BRWD1: variants seen among roughly 807,000 people sequenced by gnomAD.
The protein encoded by BRWD1 is bromodomain and WD repeat-containing protein 1.
BRWD1 carries 82 observed loss-of-function variants against 251.2 expected under a neutral mutation model. The ratio of observed to expected loss-of-function variants is 0.33; its 90% CI spans 0.27 to 0.39. The LOEUF is 0.39. BRWD1 is among the 10% of genes least tolerant of loss of function. BRWD1 has a pLI of 1.00. For missense variants in BRWD1, 2,233 were observed against 2,711.6 expected, an observed-to-expected ratio of 0.82 and a Z score of 3.92; for synonymous variants, 918 against 902.8, an observed-to-expected ratio of 1.02 and a Z score of -0.30.
intron 20 of BRWD1, among the ~76,000 whole-genome samples, chr21:39,248,318 T>G (rs2034268030): frequency 6.6e-6 from 1 of 151,810 alleles, no homozygotes; most frequent in South Asian, 2.1e-4. Flanking sequence ...ATGGCTATTA[T>G]TAAAAAGTCA....
At chr21:39,256,532 A>C (rs2034566910) in intron 18 of BRWD1, among the ~76,000 whole-genome samples, 1 of 152,192 alleles carries the variant, frequency 6.6e-6, no homozygotes, top group Non-Finnish European at 1.5e-5. Flanking sequence ...GACAACACTG[A>C]CGCTCTGAGC....
intron 10 of BRWD1, among the ~76,000 whole-genome samples, chr21:39,277,603 GC>G (rs1431601215): frequency 6.6e-6 from 1 of 151,972 alleles, no homozygotes; most frequent in Non-Finnish European, 1.5e-5. Context: ...TCACTCTGTC[GC>G]CCAGTCTGGA....
chr21:39,270,427 T>C lies in BRWD1; in HGVS notation c.1251A>G (p.Leu417=). Residue 417 remains leucine (L), a synonymous_variant, in exon 14 of 41, where the codon TTA becomes TTG. Transcript: ENST00000342449. ...TCATAAACCTTTCCTCTTCGGAAGA[T>C]AAGTCCCTAACAAAAAAATACACAA... ...LDMATRISGD[L]SSEEERFMKP... is the part of the protein sequence containing the mutation. 6.2e-7 allele frequency: 1 copy of C among 1,604,610 alleles called. No individual in the cohort carries two copies. The highest frequency in any genetic ancestry group is 1.1e-5 in the South Asian group (1 of 89,354).
Position 39,310,184 on chromosome 21 carries a change from A to C in BRWD1, c.198+2657T>G, listed in dbSNP as rs1414202138. On this transcript the variant is annotated intron_variant, in intron 4 of 40. Transcript: ENST00000342449. ...TAAAACATATGTATACCTCAAACAG[A>C]AACCAAAGTAAATATAGCAAGTTAG... Among the ~76,000 whole-genome samples, 4 of 152,324 alleles carry C rather than the reference A, an allele frequency of 2.6e-5. No homozygotes were observed. In the East Asian group the frequency reaches 5.8e-4, roughly 22 times the overall value.
Position 39,264,480 on chromosome 21 carries a change from T to G in BRWD1, c.1865A>C (p.Gln622Pro). ...CTTACTTGTTGCCACATAGCCCAGC[T>G]GTGGAATCAAATGTTCATCTGCAGA... ...ENSADEHLIP[Q>P]LGYVATSDGE... Residue 622 changes from glutamine (Q) to proline (P), a missense_variant, in exon 17 of 41, where the codon CAG becomes CCG. Gln to Pro is a moderately conservative substitution (Grantham distance 76, BLOSUM62 -1). Transcript: ENST00000342449. 6.2e-7 allele frequency: 1 copy of G among 1,604,596 alleles called. No homozygotes were observed. The highest frequency in any genetic ancestry group is 1.1e-5 in the South Asian group (1 of 89,174).
At chr21:39,274,304 CGAGAGAGA>C (rs56135543) in intron 13 of BRWD1, 62 bp downstream of exon 13, 18 of 992,802 alleles carry the variant, frequency 1.8e-5, no homozygotes, top group South Asian at 2.6e-5. Context: ...ACACAGAGAG[CGAGAGAGA>C]GAGAGAGAGA....
At chr21:39,272,618 T>C (rs939986843) in intron 13 of BRWD1, among the ~76,000 whole-genome samples, 3 of 150,898 alleles carry the variant, frequency 2.0e-5, no homozygotes, top group Non-Finnish European at 4.4e-5. Context: ...CTTTTTTTTT[T>C]TTTTTTTGAG....
At chr21:39,313,654 A>G, upstream of BRWD1, 2 of 456,272 alleles carry the variant, frequency 4.4e-6, no homozygotes, top group Non-Finnish European at 7.1e-6. Flanking sequence ...TCCGCGGGGG[A>G]GGAAGTAGTT....
Position 39,193,252 on chromosome 21 carries a change from CT to C in BRWD1, c.*3006del, listed in dbSNP as rs1441070505. 3 of 984,758 alleles carry C rather than the reference CT, an allele frequency of 3.0e-6. No individual in the cohort carries two copies. The African/African-American group carries it at 5.2e-5, about 17-fold the overall frequency. 61.0% of individuals were successfully genotyped at this position (984,758 alleles called of 1,614,324 possible). A position where few individuals can be genotyped will look rare whatever the true frequency, so the allele number is the denominator to read the frequency against. On this transcript the variant is annotated 3_prime_UTR_variant, in exon 41 of 41. Coordinates refer to ENST00000342449, the MANE Select transcript of BRWD1 (RefSeq NM_033656.4). ...GTTGTAATTTACAAGCTGTGAGTAA[CT>C]GCTATATCATTGTTTCCAAGGATTA... is the stretch of plus-strand genomic sequence containing the variant.
intron 4 of BRWD1, among the ~76,000 whole-genome samples, chr21:39,305,866 G>GAAA (rs368458821): frequency 8.3e-5 from 11 of 131,932 alleles, no homozygotes; most frequent in Non-Finnish European, 1.1e-4. Flanking sequence ...GTCTCAAAAA[G>GAAA]AAAAAAAAAA....
At chr21:39,279,668 A>G (rs1013789791) in intron 9 of BRWD1, among the ~76,000 whole-genome samples, 3 of 148,662 alleles carry the variant, frequency 2.0e-5, no homozygotes, top group African/African-American at 7.4e-5. Flanking sequence ...AAAAAAAAAA[A>G]GAAAACGAAA....
chr21:39,213,370 T>G, intron 33 of BRWD1, 111 bp downstream of exon 33: 1 of 872,924 alleles, frequency 1.1e-6, no homozygotes. Context: ...AATGCCCTAT[T>G]TGTTCATTGG....
intron 4 of BRWD1, among the ~76,000 whole-genome samples, chr21:39,307,861 T>C (rs563732805): frequency 1.3e-5 from 2 of 152,342 alleles, no homozygotes; most frequent in East Asian, 1.9e-4. Context: ...CTTTCCTCTA[T>C]AGATTCTGTA....
At chr21:39,207,902 A>T (rs1025326512) in intron 36 of BRWD1, among the ~76,000 whole-genome samples, 1 of 152,228 alleles carries the variant, frequency 6.6e-6, no homozygotes, top group Non-Finnish European at 1.5e-5. Flanking sequence ...AGCTGGACAC[A>T]AAGGACAAAT....
At chr21:39,184,325 T>C (rs2031086701), downstream of BRWD1, 1 of 152,386 alleles carries the variant, frequency 6.6e-6, no homozygotes, top group African/African-American at 2.4e-5. Context: ...TGTTTCTTTT[T>C]AAATAGCCTT....
At chr21:39,278,619 C>A in intron 10 of BRWD1, 124 bp downstream of exon 10, 1 of 625,614 alleles carries the variant, frequency 1.6e-6, no homozygotes, top group South Asian at 2.8e-5. Context: ...ATAAATTGAA[C>A]CTAATGAAAT....
chr21:39,275,974 G>A (rs1047380668), intron 12 of BRWD1, among the ~76,000 whole-genome samples, 199 bp downstream of exon 12: 2 of 152,148 alleles, frequency 1.3e-5, no homozygotes, highest in African/African-American at 4.8e-5. Context: ...GGAGGTTGCA[G>A]TGAGCCGAGA....
chr21:39,310,612 A>T (rs899724538), intron 4 of BRWD1, among the ~76,000 whole-genome samples: 44 of 151,892 alleles, frequency 2.9e-4, no homozygotes, highest in Non-Finnish European at 5.3e-4. Context: ...TCAAAAAAAA[A>T]AATTATTATT....
intron 22 of BRWD1, among the ~76,000 whole-genome samples, chr21:39,237,710 G>A (rs1027781584): frequency 1.3e-5 from 2 of 152,128 alleles, no homozygotes; most frequent in South Asian, 2.1e-4. Context: ...TTTCCGTTTT[G>A]CAAGATAAAC....
Sources: allele counts gnomAD v4.1 joint callset (sites outside exome capture counted in the v4.1 genomes callset), GRCh38; gene constraint gnomAD v4.1.1; transcripts MANE v1.5; gene names NCBI Gene and HGNC (gene_info 2026-07-23, HGNC 2026-07-21).